The following CYB5B variants were observed in gnomAD, a reference collection of about 807,000 sequenced individuals.
The protein encoded by CYB5B is cytochrome b5 type B, also known as cytochrome b5 type B (outer mitochondrial membrane).
CYB5B carries 14 observed loss-of-function variants against 21.3 expected under a neutral mutation model. The ratio of observed to expected loss-of-function variants is 0.66; its 90% CI spans 0.43 to 1.03. The LOEUF is 1.03. Ranked by LOEUF, CYB5B falls within the 50% of genes least tolerant of loss-of-function variation. The pLI is 0.00. For missense variants in CYB5B, 166 were observed against 185.1 expected, an observed-to-expected ratio of 0.90 and a Z score of 0.60; for synonymous variants, 69 against 68.4, an observed-to-expected ratio of 1.01 and a Z score of -0.04.
intron 3 of CYB5B, among the ~76,000 whole-genome samples, chr16:69,457,856 A>G (rs776108399): frequency 3.3e-5 from 5 of 152,162 alleles, no homozygotes; most frequent in Admixed American, 6.5e-5. Context: ...ATTAAAACTC[A>G]TTTCATGGAC....
intron 1 of CYB5B, among the ~76,000 whole-genome samples, chr16:69,438,871 A>G (rs2014790754): frequency 6.6e-6 from 1 of 152,120 alleles, no homozygotes; most frequent in Non-Finnish European, 1.5e-5. Context: ...TTGATCAGAT[A>G]TATGATTTGC....
At chr16:69,461,232 A>G (rs1217389435) in intron 4 of CYB5B, among the ~76,000 whole-genome samples, 2 of 151,618 alleles carry the variant, frequency 1.3e-5, no homozygotes, top group African/African-American at 4.8e-5. Flanking sequence ...AAAGAAAGAA[A>G]TTTTCTCCTT....
At chr16:69,461,159 C>T (rs1276943820) in intron 4 of CYB5B, among the ~76,000 whole-genome samples, 1 of 151,098 alleles carries the variant, frequency 6.6e-6, no homozygotes, top group African/African-American at 2.4e-5. Flanking sequence ...GAGCCAAGAT[C>T]GCGCCACCGC....
At chr16:69,432,058 C>T (rs1423722456) in intron 1 of CYB5B, among the ~76,000 whole-genome samples, 2 of 152,092 alleles carry the variant, frequency 1.3e-5, no homozygotes, top group African/African-American at 4.8e-5. Context: ...AAGAGTTTGG[C>T]ACATTAGTGG....
At chr16:69,445,625 T>A (rs931598494) in intron 1 of CYB5B, among the ~76,000 whole-genome samples, 1 of 152,226 alleles carries the variant, frequency 6.6e-6, no homozygotes, top group African/African-American at 2.4e-5. Flanking sequence ...AATATAATTT[T>A]ACAAAATGGT....
chr16:69,429,346 C>T (rs928894457), intron 1 of CYB5B, among the ~76,000 whole-genome samples: 1 of 152,078 alleles, frequency 6.6e-6, no homozygotes, highest in African/African-American at 2.4e-5. Context: ...CTTATTTGTC[C>T]CCGCCCACAT....
At chr16:69,457,633 T>C (rs1044500069) in intron 3 of CYB5B, among the ~76,000 whole-genome samples, 12 of 152,246 alleles carry the variant, frequency 7.9e-5, no homozygotes, top group African/African-American at 2.7e-4. Context: ...TTTTCAAAGA[T>C]TGACTTGTAA....
intron 3 of CYB5B, chr16:69,449,798 A>G (rs1439588323): frequency 6.6e-6 from 1 of 152,222 alleles, no homozygotes; most frequent in African/African-American, 2.4e-5. Context: ...CTAAGCCCAA[A>G]CTTTTTGCTG....
chr16:69,442,212 TTTTC>T (rs756786071), intron 1 of CYB5B, among the ~76,000 whole-genome samples: 2 of 152,180 alleles, frequency 1.3e-5, no homozygotes, highest in African/African-American at 2.4e-5. Flanking sequence ...TAATAATGCT[TTTTC>T]TTTCTTTGTT....
rs142400103 is a variant in CYB5B at position 69,450,007 on chromosome 16, G to A, written c.333+1863G>A. The A allele has an allele frequency of 6.0e-3, 913 of 152,378 alleles. 1 individual carries two copies. Among genetic ancestry groups the A allele is most frequent in the Non-Finnish European group, 0.01 (699 of 68,116 alleles). 9.4% of individuals were successfully genotyped at this position (152,378 alleles called of 1,614,324 possible). A position where few individuals can be genotyped will look rare whatever the true frequency, so the allele number is the denominator to read the frequency against. On this transcript the variant is annotated intron_variant, in intron 3 of 4. Transcript: ENST00000307892. Reference sequence around the variant, plus strand: ...GAGATGGGAGGATGGCTTGAGCCCAGCACTTGGAGACCAGCCTGGGCAACA... The same window carrying A: ...GAGATGGGAGGATGGCTTGAGCCCAACACTTGGAGACCAGCCTGGGCAACA...
Position 69,451,937 on chromosome 16 carries a change from C to T in CYB5B, c.333+3793C>T, listed in dbSNP as rs571403174. ...CAGCCTGGGCGACAAAGCGAGACGC[C>T]GTCTCAAAAAAAAAAAAAAAAAAAA... On this transcript the variant is annotated intron_variant, in intron 3 of 4. Transcript: ENST00000307892. 1.1e-3 allele frequency among the ~76,000 whole-genome samples: 136 copies of T among 129,346 alleles called. 2 individuals are homozygous for T. The South Asian group carries it at 0.033, about 31-fold the overall frequency. 84.9% of individuals were successfully genotyped at this position (129,346 alleles called of 152,430 possible).
At chr16:69,437,202 C>T (rs1207825878) in intron 1 of CYB5B, among the ~76,000 whole-genome samples, 7 of 152,076 alleles carry the variant, frequency 4.6e-5, no homozygotes, top group African/African-American at 9.7e-5. Context: ...TTTATAATTT[C>T]GGTTGCAGTA....
intron 1 of CYB5B, among the ~76,000 whole-genome samples, chr16:69,425,227 T>G (rs759288618): frequency 2.0e-5 from 3 of 152,216 alleles, no homozygotes; most frequent in Non-Finnish European, 2.9e-5. Context: ...AACCTAGGTC[T>G]GAAGTGCACC....
chr16:69,448,089 A>G (rs754508904), intron 2 of CYB5B, 26 bp from the exon 3 acceptor site: 2 of 1,607,950 alleles, frequency 1.2e-6, no homozygotes, highest in South Asian at 1.1e-5. Flanking sequence ...GTCTTAAAAT[A>G]TTATTTGTTT....
chr16:69,442,606 T>C (rs1255878293), intron 1 of CYB5B, among the ~76,000 whole-genome samples: 3 of 151,856 alleles, frequency 2.0e-5, no homozygotes, highest in Middle Eastern at 3.5e-3. Context: ...CTCGAATTCC[T>C]TGGCTTCTGG....
chr16:69,425,526 C>T (rs187853813), intron 1 of CYB5B, among the ~76,000 whole-genome samples: 190 of 152,076 alleles, frequency 1.2e-3, no homozygotes, highest in Middle Eastern at 3.4e-3. Flanking sequence ...TTTTTGAGAC[C>T]ATGGTGCAAC....
intron 2 of CYB5B, 66 bp from the exon 3 acceptor site, chr16:69,448,049 C>A: frequency 6.6e-7 from 1 of 1,526,070 alleles, no homozygotes; most frequent in Non-Finnish European, 9.0e-7. Context: ...AAGTTAGAAA[C>A]AAGCATATAG....
intron 1 of CYB5B, among the ~76,000 whole-genome samples, chr16:69,442,448 C>A (rs1295290538): frequency 6.6e-6 from 1 of 152,156 alleles, no homozygotes; most frequent in African/African-American, 2.4e-5. Context: ...AAACCTGGCT[C>A]AGATAAGAAT....
intron 1 of CYB5B, among the ~76,000 whole-genome samples, chr16:69,429,629 T>C (rs910851908): frequency 6.6e-6 from 1 of 152,136 alleles, no homozygotes; most frequent in Non-Finnish European, 1.5e-5. Context: ...AGGCAAGAGA[T>C]AGTGGGTTGT....
Sources: allele counts gnomAD v4.1 joint callset (sites outside exome capture counted in the v4.1 genomes callset), GRCh38; gene constraint gnomAD v4.1.1; transcripts MANE v1.5; gene names NCBI Gene and HGNC (gene_info 2026-07-23, HGNC 2026-07-21).